The following KCNT2 variants were observed in gnomAD, a reference collection of about 807,000 sequenced individuals.
The protein encoded by KCNT2 is potassium channel subfamily T member 2.
Under a neutral mutation model 153.8 loss-of-function variants are expected in KCNT2, and 67 were observed. The ratio of observed to expected loss-of-function variants is 0.44; its 90% CI spans 0.36 to 0.53. KCNT2 has a LOEUF of 0.53. Ranked by LOEUF, KCNT2 falls within the 20% of genes least tolerant of loss-of-function variation. KCNT2 has a pLI of 0.00. For synonymous variants in KCNT2, 500 were observed against 458.8 expected, an observed-to-expected ratio of 1.09 and a Z score of -1.15; for missense variants, 975 against 1,354.8, an observed-to-expected ratio of 0.72 and a Z score of 4.40.
At chr1:196,475,398 A>G (rs1280031085) in intron 5 of KCNT2, among the ~76,000 whole-genome samples, 1 of 152,098 alleles carries the variant, frequency 6.6e-6, no homozygotes, top group Admixed American at 6.6e-5. Flanking sequence ...CAGGCAGATC[A>G]CTTGAGCCAA....
rs59112726 is a variant in KCNT2, at chr1:196,262,318, T to G, written c.2911-3824A>C. 2.2e-3 allele frequency among the ~76,000 whole-genome samples: 341 copies of G among 152,072 alleles called. 2 individuals are homozygous for G. Among genetic ancestry groups the G allele is most frequent in the African/African-American group, 7.7e-3 (320 of 41,552 alleles). ...TAGTATTTTAAATAAATCAATTCACTTAGTAGTTTGAAAATGAGTGTTTGT... is the reference window on the plus strand; with the variant it reads ...TAGTATTTTAAATAAATCAATTCACGTAGTAGTTTGAAAATGAGTGTTTGT... On this transcript the variant is annotated intron_variant, in intron 25 of 27. Coordinates refer to ENST00000294725, the MANE Select transcript of KCNT2 (RefSeq NM_198503.5).
chr1:196,522,640 C>G (rs1653590914), intron 1 of KCNT2, among the ~76,000 whole-genome samples: 1 of 152,138 alleles, frequency 6.6e-6, no homozygotes, highest in African/African-American at 2.4e-5. Context: ...TTCTGTCTAG[C>G]TAGAGGACTG....
At chr1:196,520,441 G>A (rs972108521) in intron 1 of KCNT2, among the ~76,000 whole-genome samples, 6 of 151,784 alleles carry the variant, frequency 4.0e-5, no homozygotes, top group Non-Finnish European at 8.8e-5. Flanking sequence ...ACATAATATT[G>A]AAAGTCCTGG....
chr1:196,342,275 A>G (rs775144648), intron 14 of KCNT2, 47 bp from the exon 15 acceptor site: 18 of 1,525,798 alleles, frequency 1.2e-5, no homozygotes, highest in Non-Finnish European at 1.6e-5. Flanking sequence ...AAGAAAACAC[A>G]GTGAATGTGG....
intron 1 of KCNT2, among the ~76,000 whole-genome samples, chr1:196,494,155 C>G (rs1453456041): frequency 6.6e-6 from 1 of 152,130 alleles, no homozygotes. Context: ...GGACGTGTTT[C>G]CCTTGTTTAT....
At chr1:196,467,807 A>T (rs760859469) in intron 6 of KCNT2, 21 bp from the exon 7 acceptor site, 2 of 1,497,350 alleles carry the variant, frequency 1.3e-6, no homozygotes, top group Non-Finnish European at 1.9e-6. Flanking sequence ...AAACAAAACA[A>T]AACTAGACTT....
At chr1:196,378,361 T>C (rs1669150975) in intron 13 of KCNT2, among the ~76,000 whole-genome samples, 1 of 152,170 alleles carries the variant, frequency 6.6e-6, no homozygotes. Flanking sequence ...TGCTAGATTA[T>C]TAGGAGCCAC....
At chr1:196,418,036 C>T (rs1009480594) in intron 12 of KCNT2, among the ~76,000 whole-genome samples, 4 of 152,078 alleles carry the variant, frequency 2.6e-5, no homozygotes, top group Admixed American at 2.6e-4. Context: ...GGCTGTTTTT[C>T]ATAGAACAGC....
At chr1:196,432,933 C>T (rs1420185510) in intron 8 of KCNT2, among the ~76,000 whole-genome samples, 1 of 152,014 alleles carries the variant, frequency 6.6e-6, no homozygotes, top group Non-Finnish European at 1.5e-5. Context: ...GAATGTGTCC[C>T]CTCCAAAATT....
At chr1:196,279,120 A>G (rs554876980) in intron 25 of KCNT2, among the ~76,000 whole-genome samples, 1 of 152,186 alleles carries the variant, frequency 6.6e-6, no homozygotes, top group Non-Finnish European at 1.5e-5. Context: ...CACCCAGTCC[A>G]TGGTATTTTG....
At chr1:196,400,721 A>G (rs534692518) in intron 12 of KCNT2, among the ~76,000 whole-genome samples, 1 of 151,926 alleles carries the variant, frequency 6.6e-6, no homozygotes, top group East Asian at 1.9e-4. Context: ...GAAATAGAAG[A>G]GGCCAGGACG....
chr1:196,542,576 T>C (rs1656526967), intron 1 of KCNT2, among the ~76,000 whole-genome samples: 2 of 152,086 alleles, frequency 1.3e-5, no homozygotes, highest in Admixed American at 1.3e-4. Context: ...CACCTGCTCA[T>C]CCTCAAAGAA....
intron 12 of KCNT2, among the ~76,000 whole-genome samples, chr1:196,407,562 A>G (rs183858370): frequency 6.6e-6 from 1 of 151,502 alleles, no homozygotes; most frequent in Non-Finnish European, 1.5e-5. Flanking sequence ...TTAGGGAATG[A>G]CATAGTACAG....
At chr1:196,272,424 C>T (rs1658153831) in intron 25 of KCNT2, among the ~76,000 whole-genome samples, 1 of 151,732 alleles carries the variant, frequency 6.6e-6, no homozygotes, top group Non-Finnish European at 1.5e-5. Context: ...TGTCAACCCT[C>T]TGAAAAACCT....
chr1:196,570,084 A>AAAAAAAAAAAAAAAAAAAAAAAAAAAT (rs1558089921), intron 1 of KCNT2, among the ~76,000 whole-genome samples: 1 of 13,064 alleles, frequency 7.7e-5, no homozygotes, highest in African/African-American at 8.0e-5. Context: ...AAAAAAAAAA[A>AAAAAAAAAAAAAAAAAAAAAAAAAAAT]AAAAAAAAAA....
At chr1:196,306,013 C>T (rs532649737) in intron 21 of KCNT2, among the ~76,000 whole-genome samples, 25 of 152,136 alleles carry the variant, frequency 1.6e-4, no homozygotes, top group African/African-American at 5.3e-4. Flanking sequence ...CATACGTACA[C>T]GCTCACACAA....
intron 21 of KCNT2, among the ~76,000 whole-genome samples, chr1:196,312,068 T>C (rs1387520602): frequency 6.6e-6 from 1 of 151,886 alleles, no homozygotes; most frequent in Non-Finnish European, 1.5e-5. Flanking sequence ...ATTGAGGACT[T>C]GCTTTTCTTT....
At chr1:196,260,746 A>G (rs1364014735) in intron 25 of KCNT2, among the ~76,000 whole-genome samples, 1 of 151,886 alleles carries the variant, frequency 6.6e-6, no homozygotes, top group Non-Finnish European at 1.5e-5. Flanking sequence ...TATATGTATA[A>G]TATACACAAA....
At chr1:196,253,295 C>T (rs972570877) in intron 26 of KCNT2, among the ~76,000 whole-genome samples, 1 of 151,326 alleles carries the variant, frequency 6.6e-6, no homozygotes, top group Non-Finnish European at 1.5e-5. Flanking sequence ...ATTGCTATGG[C>T]TTTATGTACA....
Sources: gnomAD v4.1 joint callset for allele counts (sites outside exome capture counted in the v4.1 genomes callset) on GRCh38, gnomAD v4.1.1 for gene constraint, MANE v1.5 for transcripts, NCBI Gene and HGNC (gene_info 2026-07-23, HGNC 2026-07-21) for gene names.